Variants in MYO5B observed in about 807,000 individuals in gnomAD.
MYO5B encodes the protein unconventional myosin-Vb.
MYO5B carries 143 observed loss-of-function variants against 229.3 expected under a neutral mutation model. The ratio of observed to expected loss-of-function variants is 0.62; its 90% CI spans 0.54 to 0.72. The LOEUF is 0.72. MYO5B is among the 30% of genes least tolerant of loss of function. The probability of loss-of-function intolerance (pLI) is 0.00; values close to 1 mark genes in which losing one functional copy is unlikely to be tolerated. For synonymous variants in MYO5B, 918 were observed against 885.2 expected (o/e 1.04, Z -0.66); for missense variants, 2,321 against 2,331.0 (o/e 1.00, Z 0.09).
At chr18:50,024,048 G>A (rs2026305262) in intron 4 of MYO5B, among the ~76,000 whole-genome samples, 1 of 152,162 alleles carries the variant, frequency 6.6e-6, no homozygotes, top group South Asian at 2.1e-4. Context: ...CCCCATACAG[G>A]CAGGAAGAAA....
At chr18:50,079,545 C>G (rs971424831) in intron 1 of MYO5B, among the ~76,000 whole-genome samples, 4 of 152,204 alleles carry the variant, frequency 2.6e-5, no homozygotes, top group Non-Finnish European at 5.9e-5. Flanking sequence ...TCCCTCAAAC[C>G]CTGGGATACA....
chr18:49,941,434 C>A (rs969484969), intron 14 of MYO5B, among the ~76,000 whole-genome samples: 2 of 152,156 alleles, frequency 1.3e-5, no homozygotes. Context: ...ACCTCAAATC[C>A]CTGCTTGAGG....
chr18:49,936,419 A>C, intron 15 of MYO5B, 70 bp from the exon 16 acceptor site: 1 of 1,093,932 alleles, frequency 9.1e-7, no homozygotes, highest in Non-Finnish European at 1.4e-6. Context: ...AAAAACTCAT[A>C]TATGGGTGGC....
At chr18:50,142,528 A>G (rs556012548) in intron 1 of MYO5B, among the ~76,000 whole-genome samples, 24 of 152,204 alleles carry the variant, frequency 1.6e-4, no homozygotes, top group Non-Finnish European at 3.1e-4. Flanking sequence ...CTGATTGGGA[A>G]TATGGGGGGT....
chr18:49,910,928 T>C (rs2024950375), intron 18 of MYO5B, among the ~76,000 whole-genome samples: 1 of 152,242 alleles, frequency 6.6e-6, no homozygotes, highest in South Asian at 2.1e-4. Flanking sequence ...CCCCAAAATG[T>C]CTGGCACCAT....
intron 14 of MYO5B, among the ~76,000 whole-genome samples, chr18:49,948,454 A>G (rs569660885): frequency 6.6e-6 from 1 of 152,272 alleles, no homozygotes; most frequent in East Asian, 1.9e-4. Context: ...GGGAGACGAT[A>G]TTGTTTTGTC....
intron 3 of MYO5B, among the ~76,000 whole-genome samples, chr18:50,038,204 C>G (rs115088690): frequency 1.1e-3 from 166 of 152,276 alleles, no homozygotes; most frequent in African/African-American, 3.9e-3. Context: ...TTCTGGATGT[C>G]AGAAGACCCA....
intron 22 of MYO5B, among the ~76,000 whole-genome samples, chr18:49,888,022 TA>T (rs1222664631): frequency 4.6e-5 from 7 of 152,148 alleles, no homozygotes; most frequent in African/African-American, 1.7e-4. Flanking sequence ...AACAGTCTAA[TA>T]TAGTAGTTGC....
chr18:50,025,108 G>A (rs905465569), intron 4 of MYO5B, among the ~76,000 whole-genome samples: 4 of 152,096 alleles, frequency 2.6e-5, no homozygotes, highest in African/African-American at 7.2e-5. Context: ...TATAGCTCCC[G>A]TTCACTGCTC....
chr18:49,935,149 G>T lies in MYO5B; in HGVS notation c.2003+1103C>A, dbSNP rs1011382420. On this transcript the variant is annotated intron_variant, in intron 16 of 39. Transcript: ENST00000285039. ...GAAGAGAAAAGGGAGACCAGGGTGA[G>T]GAACGTGCATGGAGACTTCATGGGA... Among the ~76,000 whole-genome samples the T allele has an allele frequency of 2.6e-5, 4 of 152,304 alleles. No individual in the cohort carries two copies. The South Asian group carries it at 8.3e-4, about 32-fold the overall frequency.
intron 1 of MYO5B, among the ~76,000 whole-genome samples, chr18:50,162,260 T>C (rs1022333553): frequency 6.6e-6 from 1 of 152,234 alleles, no homozygotes; most frequent in African/African-American, 2.4e-5. Context: ...GTGAGGAAAG[T>C]AGCCTTCAGA....
intron 10 of MYO5B, among the ~76,000 whole-genome samples, chr18:49,970,371 G>C (rs1193302215): frequency 6.6e-6 from 1 of 152,154 alleles, no homozygotes; most frequent in African/African-American, 2.4e-5. Context: ...CCAGACACTG[G>C]GGGTCTGGAA....
At chr18:49,984,582 C>A in intron 8 of MYO5B, 136 bp downstream of exon 8, 1 of 731,862 alleles carries the variant, frequency 1.4e-6, no homozygotes, top group Non-Finnish European at 2.5e-6. Context: ...TAAGAGATGA[C>A]ATTCACCAGG....
intron 4 of MYO5B, among the ~76,000 whole-genome samples, chr18:50,025,432 G>A (rs1056757919): frequency 1.2e-4 from 18 of 152,084 alleles, no homozygotes; most frequent in African/African-American, 4.3e-4. Flanking sequence ...ACTCCAGCCC[G>A]GAACTCCTCA....
intron 1 of MYO5B, among the ~76,000 whole-genome samples, chr18:50,155,190 C>T (rs1037826932): frequency 1.3e-5 from 2 of 152,326 alleles, no homozygotes; most frequent in African/African-American, 4.8e-5. Flanking sequence ...GAGGCAGCTA[C>T]GTGGCACAAA....
intron 7 of MYO5B, among the ~76,000 whole-genome samples, chr18:49,985,435 G>A (rs543346793): frequency 3.3e-5 from 5 of 152,292 alleles, no homozygotes; most frequent in Admixed American, 1.3e-4. Flanking sequence ...AAGGGCCCAG[G>A]TGGTGTCTTA....
intron 9 of MYO5B, among the ~76,000 whole-genome samples, chr18:49,978,682 G>A (rs945183601): frequency 1.5e-4 from 22 of 143,850 alleles, no homozygotes; most frequent in Admixed American, 9.1e-4. Context: ...GAGAAAGGTA[G>A]GCAGCAAGTA....
chr18:49,837,936 A>T, intron 36 of MYO5B, 134 bp from the exon 37 acceptor site: 1 of 1,219,268 alleles, frequency 8.2e-7, no homozygotes, highest in South Asian at 1.3e-5. Context: ...CATGCTTAGG[A>T]ACTTATAACA....
At chr18:49,906,750 G>T in intron 18 of MYO5B, 120 bp from the exon 19 acceptor site, 1 of 846,134 alleles carries the variant, frequency 1.2e-6, no homozygotes, top group Non-Finnish European at 1.9e-6. Context: ...ACCCCTCTCT[G>T]TAGATGGACA....
Sources: gnomAD v4.1 joint callset for allele counts (sites outside exome capture counted in the v4.1 genomes callset) on GRCh38, gnomAD v4.1.1 for gene constraint, MANE v1.5 for transcripts, NCBI Gene and HGNC (gene_info 2026-07-23, HGNC 2026-07-21) for gene names.